The following CSMD1 variants were observed in gnomAD, a reference collection of about 807,000 sequenced individuals.
CSMD1 encodes CUB and Sushi multiple domains 1.
A neutral mutation model predicts 417.5 loss-of-function variants in CSMD1; 213 were observed. That is an observed-to-expected ratio of 0.51 (90% CI 0.46 to 0.57). CSMD1 has a LOEUF of 0.57. Among genes scored for constraint, CSMD1 ranks in the 20% least tolerant of loss-of-function variants. CSMD1 has a pLI of 0.00. For synonymous variants in CSMD1, 2,862 were observed against 1,736.8 expected (o/e 1.65, Z -16.11); for missense variants, 6,923 against 4,529.7 (o/e 1.53, Z -15.17).
intron 1 of CSMD1, among the ~76,000 whole-genome samples, chr8:4,704,501 T>G (rs1044896696): frequency 6.6e-5 from 10 of 152,232 alleles, no homozygotes; most frequent in Non-Finnish European, 1.3e-4. Context: ...TAGTACTATT[T>G]TCTCCCTTCC....
chr8:4,128,535 A>G (rs1802900986), intron 3 of CSMD1, among the ~76,000 whole-genome samples: 1 of 152,166 alleles, frequency 6.6e-6, no homozygotes, highest in Admixed American at 6.5e-5. Context: ...CCCCTCCTAT[A>G]TTCTATTTTT....
At chr8:3,320,562 C>T (rs1026642205) in intron 23 of CSMD1, among the ~76,000 whole-genome samples, 13 of 152,134 alleles carry the variant, frequency 8.5e-5, no homozygotes, top group South Asian at 8.3e-4. Flanking sequence ...AGAAATTGTC[C>T]CACCATATGT....
intron 5 of CSMD1, among the ~76,000 whole-genome samples, chr8:3,966,757 G>GCA (rs1812702874): frequency 9.0e-6 from 1 of 110,962 alleles, no homozygotes; most frequent in African/African-American, 3.3e-5. Flanking sequence ...ACACACACGC[G>GCA]CGCGCGCGCA....
At chr8:3,431,514 G>A (rs1053728180) in intron 12 of CSMD1, among the ~76,000 whole-genome samples, 1 of 152,016 alleles carries the variant, frequency 6.6e-6, no homozygotes, top group Non-Finnish European at 1.5e-5. Context: ...CCATCCCCAT[G>A]CCTTTTTTCC....
At chr8:4,083,291 T>G (rs913460096) in intron 3 of CSMD1, among the ~76,000 whole-genome samples, 1 of 152,214 alleles carries the variant, frequency 6.6e-6, no homozygotes, top group Non-Finnish European at 1.5e-5. Flanking sequence ...TTCCTGACTT[T>G]TTAATGATCG....
Position 3,471,660 on chromosome 8 carries a change from C to A in CSMD1, c.1449-2836G>T, listed in dbSNP as rs528024788. 6.3e-3 allele frequency among the ~76,000 whole-genome samples: 908 copies of A among 144,662 alleles called. 13 individuals are homozygous for A. Among genetic ancestry groups the A allele is most frequent in the African/African-American group, 0.023 (884 of 38,698 alleles). The allele number at this position is 144,662 out of a possible 152,430, so 94.9% of individuals were successfully genotyped here. A position where few individuals can be genotyped will look rare whatever the true frequency, so the allele number is the denominator to read the frequency against. On this transcript the variant is annotated intron_variant, in intron 11 of 69. Transcript: ENST00000635120. Reference sequence around the variant, plus strand: ...TCCCTTCTTCCTCTCTCCTTCCTTCCTTTCCCTCCCTCCCTCCCTTCCTTC... The same window carrying A: ...TCCCTTCTTCCTCTCTCCTTCCTTCATTTCCCTCCCTCCCTCCCTTCCTTC...
intron 6 of CSMD1, among the ~76,000 whole-genome samples, chr8:3,716,305 G>C (rs1413562537): frequency 6.6e-6 from 1 of 152,200 alleles, no homozygotes; most frequent in African/African-American, 2.4e-5. Context: ...ACAGACTAAA[G>C]TGAAAGCAAG....
At chr8:4,247,457 A>G (rs1802782678) in intron 3 of CSMD1, among the ~76,000 whole-genome samples, 1 of 152,160 alleles carries the variant, frequency 6.6e-6, no homozygotes, top group Non-Finnish European at 1.5e-5. Context: ...AGCCTCATGA[A>G]AAATGCTTTC....
chr8:3,677,911 G>C (rs957735507), intron 7 of CSMD1, among the ~76,000 whole-genome samples: 3 of 152,014 alleles, frequency 2.0e-5, no homozygotes, highest in African/African-American at 7.3e-5. Flanking sequence ...CCCACTAATA[G>C]AGCTGTTTGT....
intron 7 of CSMD1, among the ~76,000 whole-genome samples, chr8:3,693,987 TAGTG>T (rs1279217740): frequency 2.7e-5 from 4 of 150,470 alleles, no homozygotes; most frequent in Non-Finnish European, 5.9e-5. Flanking sequence ...TGTGTGTTGT[TAGTG>T]TGTGTGTGTT....
intron 12 of CSMD1, among the ~76,000 whole-genome samples, chr8:3,414,871 T>G (rs1203098378): frequency 6.6e-6 from 1 of 152,180 alleles, no homozygotes; most frequent in Non-Finnish European, 1.5e-5. Flanking sequence ...TAATTCAGTC[T>G]GCGCTTGCTC....
chr8:3,491,454 G>C (rs545076989), intron 11 of CSMD1, among the ~76,000 whole-genome samples: 2 of 152,254 alleles, frequency 1.3e-5, no homozygotes, highest in South Asian at 2.1e-4. Flanking sequence ...AAGTTAGCTA[G>C]GACATTACTA....
chr8:3,133,699 G>A (rs1159973312), intron 41 of CSMD1, among the ~76,000 whole-genome samples: 2 of 152,136 alleles, frequency 1.3e-5, no homozygotes, highest in Non-Finnish European at 2.9e-5. Flanking sequence ...GGAGGCTGCT[G>A]GCAGGAGTGC....
chr8:4,300,619 G>T (rs968970803), intron 3 of CSMD1, among the ~76,000 whole-genome samples: 1 of 152,064 alleles, frequency 6.6e-6, no homozygotes, highest in Admixed American at 6.6e-5. Context: ...GTGCCATGCT[G>T]GTGTGCTGCA....
chr8:4,576,040 A>G (rs1384457394), intron 2 of CSMD1, among the ~76,000 whole-genome samples: 2 of 152,250 alleles, frequency 1.3e-5, no homozygotes, highest in African/African-American at 4.8e-5. Context: ...TTACTGCATT[A>G]TCTTTCAACA....
intron 5 of CSMD1, among the ~76,000 whole-genome samples, chr8:3,773,689 C>A (rs1584977173): frequency 6.6e-6 from 1 of 152,160 alleles, no homozygotes; most frequent in East Asian, 1.9e-4. Context: ...ACAGCAACAG[C>A]ATCTTAATTG....
At chr8:2,959,775 T>A (rs1482209796) in intron 62 of CSMD1, among the ~76,000 whole-genome samples, 1 of 152,074 alleles carries the variant, frequency 6.6e-6, no homozygotes, top group Non-Finnish European at 1.5e-5. Context: ...CAGACAAAAA[T>A]CTCATTGGTT....
At chr8:4,328,242 A>ATTTTT (rs3067534) in intron 3 of CSMD1, among the ~76,000 whole-genome samples, 5 of 124,696 alleles carry the variant, frequency 4.0e-5, no homozygotes, top group African/African-American at 6.2e-5. Context: ...ACTCAATACA[A>ATTTTT]TTTTTTTTTT....
rs12541824 is a variant in CSMD1, at chr8:3,494,254, A to G, written c.1345-528T>C. Among the ~76,000 whole-genome samples, 424 of 152,234 alleles carry G rather than the reference A, an allele frequency of 2.8e-3. 1 individual carries two copies. The highest frequency in any genetic ancestry group is 9.1e-3 in the Admixed American group (139 of 15,294). ...GTAAGTTTTTTGTTTGTTTTTTTACAAAGAATACTTTGTCATGATGAGCAG... is the reference window on the plus strand; with the variant it reads ...GTAAGTTTTTTGTTTGTTTTTTTACGAAGAATACTTTGTCATGATGAGCAG... On this transcript the variant is annotated intron_variant, in intron 10 of 69. Transcript: ENST00000635120.
Sources: gnomAD v4.1 joint callset for allele counts (sites outside exome capture counted in the v4.1 genomes callset) on GRCh38, gnomAD v4.1.1 for gene constraint, MANE v1.5 for transcripts, NCBI Gene and HGNC (gene_info 2026-07-23, HGNC 2026-07-21) for gene names.